AFF1: variants seen among roughly 807,000 people sequenced by gnomAD.
AFF1 encodes ALF transcription elongation factor 1.
A neutral mutation model predicts 121.7 loss-of-function variants in AFF1; 48 were observed. The observed-to-expected ratio is 0.39, with a 90% CI of 0.31 to 0.50. The LOEUF (loss-of-function observed/expected upper bound fraction) is 0.50. AFF1 is among the 20% of genes least tolerant of loss of function. AFF1 has a pLI of 0.76. For missense variants in AFF1, 1,523 were observed against 1,511.7 expected (o/e 1.01, Z -0.12); for synonymous variants, 613 against 563.0 (o/e 1.09, Z -1.26).
At chr4:87,045,489 A>G (rs1011919599) in intron 2 of AFF1, among the ~76,000 whole-genome samples, 3 of 151,546 alleles carry the variant, frequency 2.0e-5, no homozygotes, top group Non-Finnish European at 2.9e-5. Context: ...ATGATTTAGG[A>G]TACATTTTTA....
chr4:87,039,999 C>T (rs190709289), intron 2 of AFF1, among the ~76,000 whole-genome samples: 3 of 152,154 alleles, frequency 2.0e-5, no homozygotes, highest in African/African-American at 7.2e-5. Context: ...TCTAGCGATT[C>T]TCCTGCCTCA....
chr4:86,949,174 ATATATAT>A, intron 2 of AFF1, among the ~76,000 whole-genome samples: 1 of 111,154 alleles, frequency 9.0e-6, no homozygotes, highest in East Asian at 2.6e-4. Flanking sequence ...ATATATATAT[ATATATAT>A]TTTTTTTTTT....
chr4:86,940,346 G>A (rs1720362505), intron 1 of AFF1, among the ~76,000 whole-genome samples: 1 of 152,228 alleles, frequency 6.6e-6, no homozygotes, highest in South Asian at 2.1e-4. Context: ...GTTATGTGAA[G>A]AGGGGAAGAG....
chr4:87,018,309 CAAAT>C (rs1253560785), intron 2 of AFF1, among the ~76,000 whole-genome samples: 3 of 151,884 alleles, frequency 2.0e-5, no homozygotes, highest in South Asian at 2.1e-4. Flanking sequence ...AACAAACTGA[CAAAT>C]AAAACAAGTG....
chr4:87,025,433 C>T (rs907218633), intron 2 of AFF1, among the ~76,000 whole-genome samples: 7 of 152,186 alleles, frequency 4.6e-5, no homozygotes, highest in East Asian at 1.9e-4. Flanking sequence ...TCAGACGTGC[C>T]GGTCATAAAT....
At chr4:86,963,884 T>C (rs1722330873) in intron 2 of AFF1, among the ~76,000 whole-genome samples, 1 of 150,724 alleles carries the variant, frequency 6.6e-6, no homozygotes, top group East Asian at 2.0e-4. Flanking sequence ...ACAGCCTCAA[T>C]CTCCTGGGCT....
chr4:86,952,135 A>AT (rs1356185969), intron 2 of AFF1, among the ~76,000 whole-genome samples: 1 of 152,022 alleles, frequency 6.6e-6, no homozygotes, highest in Non-Finnish European at 1.5e-5. Context: ...ATTGAGGCAG[A>AT]TTCTTTGTAA....
rs147111047 is a variant in AFF1, at chr4:87,020,310, A to G, written c.39-25856A>G. On this transcript the variant is annotated intron_variant, in intron 2 of 20. Coordinates refer to ENST00000395146, the MANE Select transcript of AFF1 (RefSeq NM_001166693.3). ...TTTATGAATGTTTCACGACCATGTA[A>G]GAAAGAACGTATTTGCTTTATTTTC... 2.6e-3 allele frequency among the ~76,000 whole-genome samples: 391 copies of G among 152,354 alleles called. 5 individuals carry two copies. Among genetic ancestry groups the G allele is most frequent in the African/African-American group, 8.9e-3 (371 of 41,574 alleles).
intron 2 of AFF1, among the ~76,000 whole-genome samples, chr4:87,032,292 A>G (rs1729155326): frequency 6.6e-6 from 1 of 152,196 alleles, no homozygotes; most frequent in Non-Finnish European, 1.5e-5. Flanking sequence ...CTCCTATAAT[A>G]ATCTCCCTGT....
chr4:87,109,600 T>A (rs1201488669), intron 11 of AFF1, among the ~76,000 whole-genome samples: 1 of 152,248 alleles, frequency 6.6e-6, no homozygotes, highest in Non-Finnish European at 1.5e-5. Context: ...AGATCTTTGC[T>A]TTATGTTTCA....
intron 2 of AFF1, among the ~76,000 whole-genome samples, chr4:86,962,145 C>CTT (rs3035474): frequency 1.6e-5 from 2 of 122,574 alleles, no homozygotes; most frequent in African/African-American, 3.0e-5. Flanking sequence ...GTTATTGTTT[C>CTT]TTTTTTTTTT....
chr4:87,022,572 ATATATATATATCTATCTATATC>A (rs1278727244), intron 2 of AFF1, among the ~76,000 whole-genome samples: 12,315 of 70,950 alleles, frequency 0.17, 1,254 homozygotes, highest in Non-Finnish European at 0.24. Context: ...ATATATATAT[ATATATATATATCTATCTATATC>A]TATCTGTGTG....
intron 2 of AFF1, among the ~76,000 whole-genome samples, chr4:87,004,762 T>C (rs1725966429): frequency 6.6e-6 from 1 of 152,254 alleles, no homozygotes; most frequent in African/African-American, 2.4e-5. Flanking sequence ...TCTGATTCTC[T>C]ATTCAATTTG....
At chr4:87,101,705 A>G (rs1360332243) in intron 8 of AFF1, among the ~76,000 whole-genome samples, 1 of 152,118 alleles carries the variant, frequency 6.6e-6, no homozygotes, top group Non-Finnish European at 1.5e-5. Context: ...CTATAAGTTT[A>G]CACATTCTCA....
chr4:87,035,723 C>T (rs1329348279), intron 2 of AFF1, among the ~76,000 whole-genome samples: 2 of 152,106 alleles, frequency 1.3e-5, no homozygotes, highest in African/African-American at 4.8e-5. Flanking sequence ...CCTCTCGGGG[C>T]CACATTCCAA....
At chr4:87,049,895 C>G in intron 4 of AFF1, 1 of 358,632 alleles carries the variant, frequency 2.8e-6, no homozygotes, top group South Asian at 2.0e-5. Context: ...TTGGTGCTCC[C>G]TGGTCAGGTT....
intron 2 of AFF1, among the ~76,000 whole-genome samples, chr4:87,000,684 ATAAG>A (rs1725637721): frequency 6.7e-6 from 1 of 149,552 alleles, no homozygotes; most frequent in Non-Finnish European, 1.5e-5. Context: ...TAGACTGATA[ATAAG>A]TAATTGGTAT....
At position 87,094,905 on chromosome 4, in the gene AFF1, T is replaced by TC; in HGVS notation, c.1229-5dup. On this transcript the variant is annotated splice_polypyrimidine_tract_variant and intron_variant, in intron 7 of 20. Coordinates refer to ENST00000395146, the MANE Select transcript of AFF1 (RefSeq NM_001166693.3). ...TCATTGTGCTGCTTTGATGTTTCTC[T>TC]CCCCCACAGAACAATATGATACATC... The TC allele has an allele frequency of 6.2e-7, 1 of 1,612,714 alleles. No individual in the cohort carries two copies.
intron 4 of AFF1, among the ~76,000 whole-genome samples, chr4:87,060,796 GC>G (rs1222286977): frequency 7.2e-6 from 1 of 139,194 alleles, no homozygotes; most frequent in Non-Finnish European, 1.5e-5. Flanking sequence ...CCGAGATCAC[GC>G]CACTGCACTC....
Sources: allele counts gnomAD v4.1 joint callset (sites outside exome capture counted in the v4.1 genomes callset), GRCh38; gene constraint gnomAD v4.1.1; transcripts MANE v1.5; gene names NCBI Gene and HGNC (gene_info 2026-07-23, HGNC 2026-07-21).